WWTR1: variants seen among roughly 807,000 people sequenced by gnomAD.
The protein encoded by WWTR1 is WW domain containing transcription regulator 1, also known as WW domain-containing transcription regulator protein 1.
WWTR1 carries 13 observed loss-of-function variants against 40.1 expected under a neutral mutation model. The ratio of observed to expected loss-of-function variants is 0.32; its 90% CI spans 0.21 to 0.52. WWTR1 has a LOEUF of 0.52. Among genes scored for constraint, WWTR1 ranks in the 20% least tolerant of loss-of-function variants. The pLI, the probability that WWTR1 is intolerant of heterozygous loss-of-function variation, is 0.97. For missense variants in WWTR1, 436 were observed against 523.1 expected (o/e 0.83, Z 1.63); for synonymous variants, 230 against 210.1 (o/e 1.09, Z -0.82).
chr3:149,678,769 T>C (rs1393180137), intron 1 of WWTR1, among the ~76,000 whole-genome samples: 1 of 152,098 alleles, frequency 6.6e-6, no homozygotes, highest in African/African-American at 2.4e-5. Flanking sequence ...GGACCCTCAA[T>C]TCATGGGAAC....
intron 2 of WWTR1, among the ~76,000 whole-genome samples, chr3:149,609,133 C>T (rs778715558): frequency 6.6e-6 from 1 of 152,148 alleles, no homozygotes; most frequent in Non-Finnish European, 1.5e-5. Context: ...TAGAAGTCAT[C>T]TAGTCCAACT....
In WWTR1 at chr3:149,657,103, G is replaced by A. The variant is rs1168937625; in HGVS notation, c.204C>T (p.Asp68=). Residue 68 remains aspartate (D), a synonymous_variant, in exon 2 of 7, where the codon GAC becomes GAT. Coordinates refer to ENST00000360632, the MANE Select transcript of WWTR1 (RefSeq NM_015472.6). ...GAGGCCCCGGGTGGCCGCCCGACGAGTCGGTGCTGGACTGGCGCGAGTGCG... is the reference window on the plus strand; with the variant it reads ...GAGGCCCCGGGTGGCCGCCCGACGAATCGGTGCTGGACTGGCGCGAGTGCG... ...SGSHSRQSST[D]SSGGHPGPRL... 3 of 1,580,016 alleles carry A rather than the reference G, an allele frequency of 1.9e-6. No individual in the cohort carries two copies. The highest frequency in any genetic ancestry group is 1.8e-5 in the Admixed American group (1 of 55,662).
chr3:149,521,099 T>A (rs1735024624), intron 6 of WWTR1, 110 bp from the exon 7 acceptor site: 13 of 1,238,864 alleles, frequency 1.0e-5, no homozygotes, highest in Non-Finnish European at 5.6e-6. Context: ...ACTACCACAT[T>A]ATTGACCCTT....
chr3:149,724,761 C>T (rs1259398052), exon 3 of WWTR1: 1 of 151,942 alleles, frequency 6.6e-6, no homozygotes, highest in Non-Finnish European at 1.5e-5. Context: ...ACTGGGAGAG[C>T]ATCCAGTTCC....
chr3:149,605,754 C>A (rs1418841531), intron 2 of WWTR1, among the ~76,000 whole-genome samples: 1 of 152,050 alleles, frequency 6.6e-6, no homozygotes, highest in East Asian at 1.9e-4. Context: ...TCCCTCAAGC[C>A]CCAGCCACCC....
upstream of WWTR1, among the ~76,000 whole-genome samples, chr3:149,658,869 A>C (rs1031619546): frequency 6.6e-6 from 1 of 152,210 alleles, no homozygotes; most frequent in Non-Finnish European, 1.5e-5. Flanking sequence ...TTGTGGGAGG[A>C]TTGGAATGTC....
Position 149,520,048 on chromosome 3 carries a change from A to G in WWTR1, c.*757T>C, listed in dbSNP as rs1734968975. Reference sequence around the variant, plus strand: ...TTTCAAAAACTTTTGTTTGAATAAAATGCTCATAATTAGTACCAAACTGGT... The same window carrying G: ...TTTCAAAAACTTTTGTTTGAATAAAGTGCTCATAATTAGTACCAAACTGGT... On this transcript the variant is annotated 3_prime_UTR_variant, in exon 7 of 7. Coordinates refer to ENST00000360632, the MANE Select transcript of WWTR1 (RefSeq NM_015472.6). The G allele has an allele frequency of 6.6e-6, 1 of 152,202 alleles. No homozygotes were observed. Among genetic ancestry groups the G allele is most frequent in the African/African-American group, 2.4e-5 (1 of 41,456 alleles). 9.4% of individuals were successfully genotyped at this position (152,202 alleles called of 1,614,324 possible). A position where few individuals can be genotyped will look rare whatever the true frequency, so the allele number is the denominator to read the frequency against.
At chr3:149,538,142 A>G (rs1735917924) in intron 4 of WWTR1, among the ~76,000 whole-genome samples, 1 of 151,974 alleles carries the variant, frequency 6.6e-6, no homozygotes, top group Non-Finnish European at 1.5e-5. Flanking sequence ...CTGGTCTCGA[A>G]CTCCTGACCT....
chr3:149,633,220 C>T (rs370113714), intron 2 of WWTR1, among the ~76,000 whole-genome samples: 29 of 151,980 alleles, frequency 1.9e-4, no homozygotes, highest in African/African-American at 6.0e-4. Context: ...AAGACCCCAT[C>T]GCTACAAAAA....
chr3:149,574,566 C>T (rs1020504751), intron 2 of WWTR1, among the ~76,000 whole-genome samples: 1 of 152,126 alleles, frequency 6.6e-6, no homozygotes, highest in Non-Finnish European at 1.5e-5. Context: ...AGGTAGGAAA[C>T]CACTTTTACT....
chr3:149,526,606 T>C (rs1179601853), intron 5 of WWTR1, among the ~76,000 whole-genome samples: 1 of 152,228 alleles, frequency 6.6e-6, no homozygotes, highest in Non-Finnish European at 1.5e-5. Context: ...ATATTTTATT[T>C]GTTAAAAAGT....
intron 1 of WWTR1, among the ~76,000 whole-genome samples, chr3:149,696,486 G>A (rs1290705190): frequency 1.3e-5 from 2 of 152,094 alleles, no homozygotes; most frequent in Non-Finnish European, 2.9e-5. Context: ...CTCCCATCTT[G>A]CAAATTAGAA....
At chr3:149,612,261 C>T (rs150997297) in intron 2 of WWTR1, among the ~76,000 whole-genome samples, 188 of 152,068 alleles carry the variant, frequency 1.2e-3, no homozygotes, top group Non-Finnish European at 1.8e-3. Context: ...AGACCAAGTT[C>T]GAGGTACATT....
intron 2 of WWTR1, among the ~76,000 whole-genome samples, chr3:149,584,108 A>G (rs1341179090): frequency 6.6e-6 from 1 of 152,032 alleles, no homozygotes; most frequent in African/African-American, 2.4e-5. Context: ...TGTTTTTTCC[A>G]GTTGTTCTTA....
chr3:149,665,582 T>C (rs1203696267), intron 2 of WWTR1, among the ~76,000 whole-genome samples: 7 of 152,188 alleles, frequency 4.6e-5, no homozygotes, highest in Admixed American at 4.6e-4. Flanking sequence ...CAGCTTAACA[T>C]ATGCAATGAA....
At chr3:149,579,400 A>AC (rs1738040885) in intron 2 of WWTR1, among the ~76,000 whole-genome samples, 2 of 152,212 alleles carry the variant, frequency 1.3e-5, no homozygotes, top group Non-Finnish European at 2.9e-5. Flanking sequence ...TTAAAACTCA[A>AC]TCATACTCAC....
chr3:149,566,375 T>C (rs558785035), intron 3 of WWTR1, among the ~76,000 whole-genome samples: 92 of 152,120 alleles, frequency 6.0e-4, no homozygotes, highest in African/African-American at 2.1e-3. Context: ...TTCCACCATC[T>C]CCCAAAAAGT....
rs1356079608 is a variant in WWTR1, at chr3:149,535,008, G to T, written c.772-7039C>A. Among the ~76,000 whole-genome samples, 4 of 152,168 alleles carry T rather than the reference G, an allele frequency of 2.6e-5. No individual in the cohort carries two copies. The East Asian group carries it at 7.7e-4, about 29-fold the overall frequency. On this transcript the variant is annotated intron_variant, in intron 4 of 6. Transcript: ENST00000360632. Reference sequence around the variant, plus strand: ...ATAAACCAACAGAGGAGGTGAGAAAGTAAACGGCAGCTGAAAGCATCTGCA... The same window carrying T: ...ATAAACCAACAGAGGAGGTGAGAAATTAAACGGCAGCTGAAAGCATCTGCA...
intron 2 of WWTR1, among the ~76,000 whole-genome samples, chr3:149,639,234 T>C (rs1449164269): frequency 6.6e-6 from 1 of 152,146 alleles, no homozygotes; most frequent in Non-Finnish European, 1.5e-5. Flanking sequence ...ACAGGGTCTC[T>C]TTCTGTTGCC....
Sources: gnomAD v4.1 joint callset for allele counts (sites outside exome capture counted in the v4.1 genomes callset) on GRCh38, gnomAD v4.1.1 for gene constraint, MANE v1.5 for transcripts, NCBI Gene and HGNC (gene_info 2026-07-23, HGNC 2026-07-21) for gene names.